CDKAL1: variants seen among roughly 807,000 people sequenced by gnomAD.
The protein encoded by CDKAL1 is threonylcarbamoyladenosine tRNA methylthiotransferase.
Under a neutral mutation model 68.2 loss-of-function variants are expected in CDKAL1, and 32 were observed. That is an observed-to-expected ratio of 0.47 (90% confidence interval 0.35 to 0.63). The LOEUF is 0.63. CDKAL1 is among the 30% of genes least tolerant of loss of function. The pLI is 0.00. For missense variants in CDKAL1, 606 were observed against 696.7 expected, an observed-to-expected ratio of 0.87 and a Z score of 1.47; for synonymous variants, 234 against 244.3, an observed-to-expected ratio of 0.96 and a Z score of 0.39.
intron 2 of CDKAL1, among the ~76,000 whole-genome samples, chr6:20,542,043 C>A: frequency 6.6e-6 from 1 of 152,216 alleles, no homozygotes; most frequent in East Asian, 1.9e-4. Flanking sequence ...TGGTTTATTT[C>A]TAATCTTTGG....
intron 4 of CDKAL1, among the ~76,000 whole-genome samples, chr6:20,585,363 T>G (rs1376519362): frequency 6.6e-6 from 1 of 152,208 alleles, no homozygotes; most frequent in Non-Finnish European, 1.5e-5. Context: ...ATAATCTTGT[T>G]TTTTGACACC....
intron 2 of CDKAL1, among the ~76,000 whole-genome samples, chr6:20,536,289 A>G (rs13194858): frequency 0.17 from 25,405 of 151,658 alleles, 2,552 homozygotes; most frequent in African/African-American, 0.28. Flanking sequence ...TGTGCTTTTC[A>G]TTTCTTAGCT....
chr6:20,882,444 A>G (rs1481380277), intron 9 of CDKAL1, among the ~76,000 whole-genome samples: 9 of 152,188 alleles, frequency 5.9e-5, no homozygotes, highest in Non-Finnish European at 1.2e-4. Context: ...CACTTCTATT[A>G]AACAGATGTG....
chr6:21,009,028 T>G (rs1355511687), intron 11 of CDKAL1, among the ~76,000 whole-genome samples: 1 of 152,224 alleles, frequency 6.6e-6, no homozygotes, highest in Non-Finnish European at 1.5e-5. Context: ...CTATAATATG[T>G]TGAAATCAGT....
At chr6:20,719,405 G>A (rs1772242563) in intron 5 of CDKAL1, among the ~76,000 whole-genome samples, 1 of 152,186 alleles carries the variant, frequency 6.6e-6, no homozygotes, top group South Asian at 2.1e-4. Flanking sequence ...ACCAAATACA[G>A]TTTTGTTTCT....
At chr6:21,123,277 A>G (rs978219021) in intron 13 of CDKAL1, among the ~76,000 whole-genome samples, 1 of 152,150 alleles carries the variant, frequency 6.6e-6, no homozygotes, top group Non-Finnish European at 1.5e-5. Context: ...CAACATGGTG[A>G]AACCCCATCT....
At chr6:20,569,135 T>C (rs1434105127) in intron 4 of CDKAL1, among the ~76,000 whole-genome samples, 1 of 152,256 alleles carries the variant, frequency 6.6e-6, no homozygotes, top group East Asian at 1.9e-4. Flanking sequence ...TTATTTTTAC[T>C]GTTAGATGTA....
At chr6:20,937,315 T>C (rs1298917426) in intron 9 of CDKAL1, among the ~76,000 whole-genome samples, 5 of 152,306 alleles carry the variant, frequency 3.3e-5, no homozygotes, top group Admixed American at 2.6e-4. Context: ...TCAAACCAAC[T>C]GGGATCAAGT....
At chr6:20,813,384 T>A (rs904015604) in intron 8 of CDKAL1, among the ~76,000 whole-genome samples, 4 of 152,210 alleles carry the variant, frequency 2.6e-5, no homozygotes, top group Admixed American at 2.0e-4. Flanking sequence ...TTGAAAACAT[T>A]TTTCTCTCAT....
chr6:20,734,022 G>T (rs1397803439), intron 5 of CDKAL1, among the ~76,000 whole-genome samples: 4 of 151,852 alleles, frequency 2.6e-5, no homozygotes, highest in African/African-American at 9.7e-5. Flanking sequence ...GGTGGTGCAT[G>T]CCTGTAGTGC....
intron 8 of CDKAL1, among the ~76,000 whole-genome samples, chr6:20,813,895 TATA>T: frequency 6.6e-6 from 1 of 152,188 alleles, no homozygotes; most frequent in African/African-American, 2.4e-5. Context: ...AAAAATTAGT[TATA>T]ATATTATAAA....
chr6:20,909,185 A>G (rs9368257), intron 9 of CDKAL1, among the ~76,000 whole-genome samples: 12 of 119,208 alleles, frequency 1.0e-4, no homozygotes, highest in African/African-American at 3.6e-4. Context: ...GTGTGCATGT[A>G]TGTGTGTGTG....
chr6:20,853,232 AT>A (rs1199711029), intron 9 of CDKAL1, among the ~76,000 whole-genome samples: 1 of 152,072 alleles, frequency 6.6e-6, no homozygotes, highest in Non-Finnish European at 1.5e-5. Context: ...AAATACAAAA[AT>A]TAGCTAGGCG....
In CDKAL1 at chr6:20,603,681, C is replaced by T. The variant is rs1043244387; in HGVS notation, c.287-45612C>T. ...AAGATCTTCCCAGTGGACAGAACTT[C>T]TGTGCATTATATTTTGTTGCCTACT... is the stretch of plus-strand genomic sequence containing the variant. On this transcript the variant is annotated intron_variant, in intron 4 of 15. Transcript: ENST00000274695. 2.0e-5 allele frequency among the ~76,000 whole-genome samples: 3 copies of T among 150,860 alleles called. No homozygotes were observed. In the South Asian group the frequency reaches 6.3e-4, roughly 32 times the overall value.
At chr6:20,767,643 AG>A (rs1774758513) in intron 7 of CDKAL1, among the ~76,000 whole-genome samples, 3 of 152,306 alleles carry the variant, frequency 2.0e-5, no homozygotes, top group Admixed American at 2.0e-4. Context: ...AATTAGGTGT[AG>A]GATAAACTTT....
intron 9 of CDKAL1, among the ~76,000 whole-genome samples, chr6:20,926,875 G>C (rs1055223853): frequency 3.6e-4 from 25 of 69,318 alleles, no homozygotes; most frequent in African/African-American, 8.4e-4. Context: ...ATACCAAGAT[G>C]TTTCTATATA....
chr6:20,690,484 T>A (rs1770822198), intron 5 of CDKAL1, among the ~76,000 whole-genome samples: 1 of 152,198 alleles, frequency 6.6e-6, no homozygotes, highest in African/African-American at 2.4e-5. Context: ...GAGATATCCA[T>A]TAGCCTTACT....
At chr6:20,902,208 T>C (rs1273918583) in intron 9 of CDKAL1, among the ~76,000 whole-genome samples, 1 of 152,120 alleles carries the variant, frequency 6.6e-6, no homozygotes, top group Admixed American at 6.5e-5. Flanking sequence ...GATTTGCATT[T>C]CCAAAGGATC....
At chr6:20,724,360 A>G (rs1581451040) in intron 5 of CDKAL1, among the ~76,000 whole-genome samples, 1 of 152,324 alleles carries the variant, frequency 6.6e-6, no homozygotes, top group East Asian at 1.9e-4. Context: ...AAGACTTTGT[A>G]AAATTTTGTT....
Sources: gnomAD v4.1 joint callset for allele counts (sites outside exome capture counted in the v4.1 genomes callset) on GRCh38, gnomAD v4.1.1 for gene constraint, MANE v1.5 for transcripts, NCBI Gene and HGNC (gene_info 2026-07-23, HGNC 2026-07-21) for gene names.